The following RPS6KA2 variants were observed in gnomAD, a reference collection of about 807,000 sequenced individuals.
RPS6KA2 encodes the protein ribosomal protein S6 kinase alpha-2.
A neutral mutation model predicts 91.8 loss-of-function variants in RPS6KA2; 42 were observed. The ratio of observed to expected loss-of-function variants is 0.46; its 90% CI spans 0.36 to 0.59. RPS6KA2 has a LOEUF of 0.59. Ranked by LOEUF, RPS6KA2 falls within the 20% of genes least tolerant of loss-of-function variation. The pLI is 0.00. For synonymous variants in RPS6KA2, 414 were observed against 393.6 expected, an observed-to-expected ratio of 1.05 and a Z score of -0.61; for missense variants, 798 against 978.5, an observed-to-expected ratio of 0.82 and a Z score of 2.46.
At chr6:166,609,191 T>C (rs1458923947) in intron 1 of RPS6KA2, among the ~76,000 whole-genome samples, 1 of 152,188 alleles carries the variant, frequency 6.6e-6, no homozygotes, top group Non-Finnish European at 1.5e-5. Flanking sequence ...TGGGGTTCAA[T>C]AGGACCCTGA....
chr6:166,469,998 A>C, intron 10 of RPS6KA2, 93 bp from the exon 11 acceptor site: 1 of 1,170,692 alleles, frequency 8.5e-7, no homozygotes, highest in Non-Finnish European at 1.3e-6. Flanking sequence ...GGGGATGTGC[A>C]GAGGTGGGGC....
At chr6:166,647,920 T>TCA (rs371612456) in intron 2 of RPS6KA2, among the ~76,000 whole-genome samples, 3 of 90,168 alleles carry the variant, frequency 3.3e-5, no homozygotes, top group African/African-American at 1.3e-4. Flanking sequence ...ATGCACATGC[T>TCA]CACACACACG....
chr6:166,693,583 G>A (rs1281180721), intron 2 of RPS6KA2, among the ~76,000 whole-genome samples: 3 of 152,170 alleles, frequency 2.0e-5, no homozygotes, highest in African/African-American at 4.8e-5. Context: ...CAGGGAGATC[G>A]AGGGTACACT....
intron 1 of RPS6KA2, among the ~76,000 whole-genome samples, chr6:166,621,115 T>A (rs904632217): frequency 6.6e-6 from 1 of 152,194 alleles, no homozygotes; most frequent in African/African-American, 2.4e-5. Flanking sequence ...CAGGTAGGGC[T>A]CTCATATCAG....
intron 14 of RPS6KA2, among the ~76,000 whole-genome samples, chr6:166,436,440 TG>T (rs1366617052): frequency 6.6e-6 from 1 of 151,460 alleles, no homozygotes; most frequent in East Asian, 2.0e-4. Flanking sequence ...CAAGGCACAG[TG>T]TAATGCCTTG....
At chr6:166,625,758 T>C (rs1786849008) in intron 1 of RPS6KA2, among the ~76,000 whole-genome samples, 1 of 152,226 alleles carries the variant, frequency 6.6e-6, no homozygotes, top group Admixed American at 6.5e-5. Context: ...CCTCCAGTAC[T>C]GGATTAACAG....
chr6:166,467,402 C>T (rs1411349589), intron 11 of RPS6KA2, among the ~76,000 whole-genome samples: 1 of 152,194 alleles, frequency 6.6e-6, no homozygotes, highest in Admixed American at 6.5e-5. Flanking sequence ...ATCAGAAACA[C>T]ATGGTATTTT....
intron 2 of RPS6KA2, among the ~76,000 whole-genome samples, chr6:166,745,658 A>G (rs1301098819): frequency 2.0e-5 from 3 of 152,178 alleles, no homozygotes; most frequent in Non-Finnish European, 2.9e-5. Flanking sequence ...TTTCCACCCA[A>G]TATTCACTCA....
intron 2 of RPS6KA2, among the ~76,000 whole-genome samples, chr6:166,531,977 T>C (rs1783294039): frequency 1.4e-5 from 2 of 146,298 alleles, no homozygotes; most frequent in Non-Finnish European, 3.0e-5. Context: ...TTCCTTTGTA[T>C]AAAAAAAAAA....
chr6:166,513,358 C>T (rs1005692491), intron 3 of RPS6KA2, among the ~76,000 whole-genome samples: 11 of 152,186 alleles, frequency 7.2e-5, no homozygotes, highest in South Asian at 2.1e-4. Flanking sequence ...GTGGAGGGTG[C>T]GGGAGCGACT....
intron 1 of RPS6KA2, among the ~76,000 whole-genome samples, chr6:166,571,157 C>T (rs771482993): frequency 3.3e-5 from 5 of 152,170 alleles, no homozygotes; most frequent in African/African-American, 1.2e-4. Context: ...GACCGAAGCA[C>T]TCCACACAGG....
Position 166,626,815 on chromosome 6 carries a change from C to T in RPS6KA2, c.99+106G>A. On this transcript the variant is annotated intron_variant, in intron 1 of 20. Coordinates refer to ENST00000265678, the MANE Select transcript of RPS6KA2 (RefSeq NM_021135.6). This position sits in a 1 kb window ranked among gnomAD's most constrained non-coding sequence, Gnocchi z 4.1. ...CGGACCAGCTTTCCAGTAACTTGAACTCCCTGACGGGTCTCGGGGTCCACC... is the reference window on the plus strand; with the variant it reads ...CGGACCAGCTTTCCAGTAACTTGAATTCCCTGACGGGTCTCGGGGTCCACC... 1.1e-6 allele frequency: 1 copy of T among 924,694 alleles called. No homozygotes were observed. The highest frequency in any genetic ancestry group is 1.4e-6 in the Non-Finnish European group (1 of 698,792). 57.3% of individuals were successfully genotyped at this position (924,694 alleles called of 1,614,324 possible).
At chr6:166,559,707 A>C (rs1784283059) in intron 1 of RPS6KA2, among the ~76,000 whole-genome samples, 1 of 152,194 alleles carries the variant, frequency 6.6e-6, no homozygotes, top group Non-Finnish European at 1.5e-5. Flanking sequence ...AATGAAAGAA[A>C]AATCAGCTTT....
In RPS6KA2 at chr6:166,760,499, A is replaced by G. The variant is rs909358358; in HGVS notation, c.123+97701T>C. Among the ~76,000 whole-genome samples, 4 of 152,166 alleles carry G rather than the reference A, an allele frequency of 2.6e-5. No homozygotes were observed. In the East Asian group the frequency reaches 7.7e-4, roughly 29 times the overall value. On this transcript the variant is annotated intron_variant, in intron 2 of 21. Transcript: ENST00000503859. ...GTATGTGGGCACCGCCCCCACCCCCATCGCGGTCTGGTTTGAGACTGTGAG... is the reference window on the plus strand; with the variant it reads ...GTATGTGGGCACCGCCCCCACCCCCGTCGCGGTCTGGTTTGAGACTGTGAG...
chr6:166,827,476 C>G (rs2128625260), intron 2 of RPS6KA2, among the ~76,000 whole-genome samples: 1 of 152,254 alleles, frequency 6.6e-6, no homozygotes, highest in South Asian at 2.1e-4. Context: ...CTGTCTTTAT[C>G]TCCTGAATAT....
rs561223727 is a variant in RPS6KA2 at position 166,531,151 on chromosome 6, GGAAT to G, written c.298+77_298+80del. ...TTTTCAGAAATCGTGAACATTAAATGGAATGAATATTTCCTCAAATAACGGAGTA... is the reference window on the plus strand; with the variant it reads ...TTTTCAGAAATCGTGAACATTAAATGGAATATTTCCTCAAATAACGGAGTA... On this transcript the variant is annotated intron_variant, in intron 3 of 20. Coordinates refer to ENST00000265678, the MANE Select transcript of RPS6KA2 (RefSeq NM_021135.6). 2.2e-4 allele frequency: 201 copies of G among 923,500 alleles called. No homozygotes were observed. In the African/African-American group the frequency reaches 3.0e-3, roughly 14 times the overall value. 57.2% of individuals were successfully genotyped at this position (923,500 alleles called of 1,614,324 possible).
Position 166,737,471 on chromosome 6 carries a change from A to G in RPS6KA2, c.123+120729T>C, listed in dbSNP as rs1392031313. On this transcript the variant is annotated intron_variant, in intron 2 of 21. Transcript: ENST00000503859. This position sits in a 1 kb window ranked among gnomAD's most constrained non-coding sequence, Gnocchi z 4.3. ...GCCTTACTCATTTATAATCAGCATC[A>G]AGCAGACAGTGAAAAATCTATAAAT... Among the ~76,000 whole-genome samples, 1 of 152,222 alleles carries G rather than the reference A, an allele frequency of 6.6e-6. No individual in the cohort carries two copies. Among genetic ancestry groups the G allele is most frequent in the East Asian group, 1.9e-4 (1 of 5,194 alleles).
intron 2 of RPS6KA2, among the ~76,000 whole-genome samples, chr6:166,827,256 C>CAAAAAAAAA (rs56296433): frequency 7.5e-4 from 71 of 94,470 alleles, no homozygotes; most frequent in Non-Finnish European, 1.2e-3. Flanking sequence ...CAACCTTATA[C>CAAAAAAAAA]AAAAAAAAAA....
At chr6:166,668,270 C>A (rs1788374062) in intron 2 of RPS6KA2, among the ~76,000 whole-genome samples, 1 of 152,214 alleles carries the variant, frequency 6.6e-6, no homozygotes, top group Non-Finnish European at 1.5e-5. Flanking sequence ...TCCAAGCCCA[C>A]CCTCGTTCCT....
Sources: allele counts gnomAD v4.1 joint callset (sites outside exome capture counted in the v4.1 genomes callset), GRCh38; gene constraint gnomAD v4.1.1; non-coding constraint Gnocchi (gnomAD v3.1); transcripts MANE v1.5; gene names NCBI Gene and HGNC (gene_info 2026-07-23, HGNC 2026-07-21).